FTO: variants seen among roughly 807,000 people sequenced by gnomAD.
FTO encodes the protein FTO alpha-ketoglutarate dependent dioxygenase.
Under a neutral mutation model 63.9 loss-of-function variants are expected in FTO, and 47 were observed. The ratio of observed to expected loss-of-function variants is 0.74; its 90% CI spans 0.58 to 0.94. The LOEUF (loss-of-function observed/expected upper bound fraction) is 0.94. Ranked by LOEUF, FTO falls within the 40% of genes least tolerant of loss-of-function variation. FTO has a pLI of 0.00. For synonymous variants in FTO, 207 were observed against 224.4 expected, an observed-to-expected ratio of 0.92 and a Z score of 0.69; for missense variants, 562 against 618.1, an observed-to-expected ratio of 0.91 and a Z score of 0.96.
Position 53,902,530 on chromosome 16 carries a change from G to A in FTO, c.1239+13579G>A, listed in dbSNP as rs542194484. Among the ~76,000 whole-genome samples, 4 of 152,262 alleles carry A rather than the reference G, an allele frequency of 2.6e-5. No homozygotes were observed. In the South Asian group the frequency reaches 8.3e-4, roughly 32 times the overall value. Reference sequence around the variant, plus strand: ...ATAAGATAAACTGAGTGTTTCTCTGGAACTTTTTCTCTACCCTGTGTTTGG... The same window carrying A: ...ATAAGATAAACTGAGTGTTTCTCTGAAACTTTTTCTCTACCCTGTGTTTGG... On this transcript the variant is annotated intron_variant, in intron 7 of 8. Coordinates refer to ENST00000471389, the MANE Select transcript of FTO (RefSeq NM_001080432.3).
chr16:53,873,806 C>T lies in FTO; in HGVS notation c.916C>T (p.Gln306Ter). Reference sequence around the variant, plus strand: ...TGTAGATGATCTCAATGCCACCCACCAACACTGTGTTTTGGCCGGTTCACA... The same window carrying T: ...TGTAGATGATCTCAATGCCACCCACTAACACTGTGTTTTGGCCGGTTCACA... Reference protein sequence around the residue: ...FMLDDLNATHQHCVLAGSQPR... With the variant: ...FMLDDLNATH Residue 306 changes from glutamine (Q) to a stop codon, truncating the protein, a stop_gained, in exon 5 of 9, where the codon CAA (glutamine) becomes TAA (stop). Coordinates refer to ENST00000471389, the MANE Select transcript of FTO (RefSeq NM_001080432.3). LOFTEE classifies it high-confidence loss of function. 1 of 1,612,974 alleles carries T rather than the reference C, an allele frequency of 6.2e-7. No homozygotes were observed. The highest frequency in any genetic ancestry group is 1.1e-5 in the South Asian group (1 of 91,064).
At chr16:53,770,105 T>G (rs1036768334) in intron 1 of FTO, among the ~76,000 whole-genome samples, 1 of 151,942 alleles carries the variant, frequency 6.6e-6, no homozygotes, top group Non-Finnish European at 1.5e-5. Flanking sequence ...TTGAAAAAAA[T>G]GTATTGACTC....
intron 8 of FTO, among the ~76,000 whole-genome samples, chr16:54,011,447 C>T (rs904533477): frequency 7.2e-5 from 11 of 152,264 alleles, no homozygotes; most frequent in Admixed American, 6.5e-4. Context: ...TATCTATCAG[C>T]CTAATGGTTC....
intron 1 of FTO, among the ~76,000 whole-genome samples, chr16:53,704,722 C>G (rs1971905783): frequency 6.6e-6 from 1 of 152,172 alleles, no homozygotes. Flanking sequence ...TCCTCTCTAC[C>G]TTTGATGTTC....
At chr16:53,883,644 A>C (rs924418815) in intron 6 of FTO, among the ~76,000 whole-genome samples, 1 of 150,694 alleles carries the variant, frequency 6.6e-6, no homozygotes, top group African/African-American at 2.5e-5. Flanking sequence ...AACAAAAAAA[A>C]AAAAACAAAT....
intron 1 of FTO, among the ~76,000 whole-genome samples, chr16:53,710,266 C>CTTTT (rs564940054): frequency 7.5e-6 from 1 of 132,868 alleles, no homozygotes; most frequent in African/African-American, 2.8e-5. Context: ...CAGATTTTGC[C>CTTTT]TTTTTTTTTT....
At chr16:53,865,322 C>A (rs1289012623) in intron 4 of FTO, among the ~76,000 whole-genome samples, 3 of 152,166 alleles carry the variant, frequency 2.0e-5, no homozygotes, top group Non-Finnish European at 4.4e-5. Flanking sequence ...TCAGAGATGG[C>A]AAACGGGAAG....
intron 7 of FTO, among the ~76,000 whole-genome samples, chr16:53,928,814 A>G (rs925959057): frequency 3.3e-5 from 5 of 151,866 alleles, no homozygotes; most frequent in Admixed American, 1.3e-4. Context: ...TTGGTATACA[A>G]CCCTATAGGT....
chr16:53,888,995 T>C (rs923883963), intron 7 of FTO, 44 bp downstream of exon 7: 3 of 1,607,276 alleles, frequency 1.9e-6, no homozygotes, highest in Non-Finnish European at 2.6e-6. Flanking sequence ...GGCTGCTGTG[T>C]TATACAAATC....
intron 4 of FTO, among the ~76,000 whole-genome samples, chr16:53,871,661 A>G (rs1003256600): frequency 4.6e-5 from 7 of 151,342 alleles, no homozygotes; most frequent in Admixed American, 2.0e-4. Flanking sequence ...TGATTTTGTT[A>G]TATACTTTTA....
chr16:53,850,295 G>A (rs1221193722), intron 4 of FTO, among the ~76,000 whole-genome samples: 2 of 151,156 alleles, frequency 1.3e-5, no homozygotes, highest in East Asian at 1.9e-4. Flanking sequence ...TGGCATTCTT[G>A]TTATCTTCTC....
At chr16:53,734,450 A>G (rs930504279) in intron 1 of FTO, among the ~76,000 whole-genome samples, 2 of 152,258 alleles carry the variant, frequency 1.3e-5, no homozygotes, top group African/African-American at 4.8e-5. Context: ...ATAGAAAAGT[A>G]TAGCGTTCAC....
intron 4 of FTO, among the ~76,000 whole-genome samples, chr16:53,849,034 A>G (rs1315134020): frequency 6.6e-6 from 1 of 152,204 alleles, no homozygotes; most frequent in Non-Finnish European, 1.5e-5. Flanking sequence ...ATTCCACTGC[A>G]AAAAAAGAAA....
At chr16:53,978,301 A>G (rs1169590169) in intron 8 of FTO, among the ~76,000 whole-genome samples, 1 of 152,232 alleles carries the variant, frequency 6.6e-6, no homozygotes, top group Non-Finnish European at 1.5e-5. Flanking sequence ...GTATGGAAAC[A>G]GCAGTCTTTG....
intron 8 of FTO, among the ~76,000 whole-genome samples, chr16:54,088,867 T>C (rs1250750188): frequency 3.3e-5 from 5 of 152,214 alleles, no homozygotes; most frequent in African/African-American, 4.8e-5. Flanking sequence ...CCTTGTTTGC[T>C]AACACCCACG....
chr16:53,945,961 G>C (rs865915452), intron 8 of FTO, among the ~76,000 whole-genome samples: 1 of 152,168 alleles, frequency 6.6e-6, no homozygotes, highest in African/African-American at 2.4e-5. Flanking sequence ...CACATGAAGA[G>C]TAGTAATTTT....
chr16:53,922,624 C>T (rs976106769), intron 7 of FTO, among the ~76,000 whole-genome samples: 3 of 152,150 alleles, frequency 2.0e-5, no homozygotes, highest in African/African-American at 7.2e-5. Flanking sequence ...ACTGTGGTAA[C>T]GCATACATAT....
rs150242222 is a variant in FTO, at chr16:53,948,841, C to A, written c.1364+14732C>A. 3.3e-4 allele frequency among the ~76,000 whole-genome samples: 50 copies of A among 152,320 alleles called. 1 individual carries two copies. The East Asian group carries it at 9.7e-3, about 30-fold the overall frequency. On this transcript the variant is annotated intron_variant, in intron 8 of 8. Coordinates refer to ENST00000471389, the MANE Select transcript of FTO (RefSeq NM_001080432.3). ...AAACCTTCTCCATCTTCTCACACTT[C>A]TCAAGAATAGAAGGAATGACCCTGG...
chr16:54,097,913 T>A lies in FTO; in HGVS notation c.1365-13849T>A, dbSNP rs532270119. 2.7e-5 allele frequency among the ~76,000 whole-genome samples: 4 copies of A among 150,712 alleles called. No individual in the cohort carries two copies. The East Asian group carries it at 7.9e-4, about 30-fold the overall frequency. On this transcript the variant is annotated intron_variant, in intron 8 of 8. Coordinates refer to ENST00000471389, the MANE Select transcript of FTO (RefSeq NM_001080432.3). Reference sequence around the variant, plus strand: ...TGGATTAAGGAGTGACCTGAAGGGGTAAGGGGAGGAAGCCATGTGGATATT... The same window carrying A: ...TGGATTAAGGAGTGACCTGAAGGGGAAAGGGGAGGAAGCCATGTGGATATT...
Sources: allele counts gnomAD v4.1 joint callset (sites outside exome capture counted in the v4.1 genomes callset), GRCh38; gene constraint gnomAD v4.1.1; transcripts MANE v1.5; gene names NCBI Gene and HGNC (gene_info 2026-07-23, HGNC 2026-07-21).